The following SLC9A9 variants were observed in gnomAD, a reference collection of about 807,000 sequenced individuals.
SLC9A9 encodes sodium/hydrogen exchanger 9.
A neutral mutation model predicts 77.8 loss-of-function variants in SLC9A9; 62 were observed. The observed-to-expected ratio is 0.80, with a 90% CI of 0.65 to 0.98. The LOEUF is 0.98. SLC9A9 is among the 50% of genes least tolerant of loss of function. The pLI is 0.00. For missense variants in SLC9A9, 775 were observed against 774.9 expected (o/e 1.00, Z 0.00); for synonymous variants, 320 against 283.5 (o/e 1.13, Z -1.29).
intron 12 of SLC9A9, among the ~76,000 whole-genome samples, chr3:143,436,631 A>G (rs1237250673): frequency 6.6e-6 from 1 of 152,246 alleles, no homozygotes; most frequent in East Asian, 1.9e-4. Flanking sequence ...ATTTTGGTAC[A>G]ATACAGCAAA....
intron 12 of SLC9A9, among the ~76,000 whole-genome samples, chr3:143,421,071 C>A (rs1412572339): frequency 6.6e-6 from 1 of 152,052 alleles, no homozygotes. Flanking sequence ...AGGAATACAT[C>A]TAACCAAGGA....
chr3:143,650,368 C>A (rs1048029505), intron 6 of SLC9A9, among the ~76,000 whole-genome samples: 1 of 152,024 alleles, frequency 6.6e-6, no homozygotes, highest in Non-Finnish European at 1.5e-5. Flanking sequence ...AATAGATGTA[C>A]AAAGAGAATA....
At chr3:143,657,537 A>C (rs937777049) in intron 5 of SLC9A9, among the ~76,000 whole-genome samples, 1 of 152,202 alleles carries the variant, frequency 6.6e-6, no homozygotes, top group Admixed American at 6.5e-5. Flanking sequence ...CTATTTTCAC[A>C]ATAACATGAA....
intron 6 of SLC9A9, among the ~76,000 whole-genome samples, chr3:143,641,435 A>G (rs2038621064): frequency 9.0e-6 from 1 of 110,886 alleles, no homozygotes; most frequent in Non-Finnish European, 1.7e-5. Flanking sequence ...TCTGTTGCCT[A>G]GGCAACAGAG....
At chr3:143,847,906 A>G (rs776375266) in intron 1 of SLC9A9, 9 of 561,546 alleles carry the variant, frequency 1.6e-5, no homozygotes, top group Non-Finnish European at 2.9e-5. Context: ...GCATCTGTCA[A>G]CAGACTTGCA....
intron 4 of SLC9A9, among the ~76,000 whole-genome samples, chr3:143,741,190 T>C (rs1029275182): frequency 2.6e-5 from 4 of 152,154 alleles, no homozygotes; most frequent in Non-Finnish European, 4.4e-5. Context: ...TTTGGAGAAA[T>C]AGCTGTTCCT....
chr3:143,462,736 G>A (rs1186643515), intron 12 of SLC9A9, among the ~76,000 whole-genome samples: 1 of 152,180 alleles, frequency 6.6e-6, no homozygotes, highest in Non-Finnish European at 1.5e-5. Flanking sequence ...TCCTGTGTTT[G>A]TTTTTAACAG....
chr3:143,709,805 A>G (rs1291873023), intron 4 of SLC9A9, among the ~76,000 whole-genome samples: 1 of 152,166 alleles, frequency 6.6e-6, no homozygotes, highest in Non-Finnish European at 1.5e-5. Flanking sequence ...AACGAGTGGG[A>G]GAGGGGGAGT....
chr3:143,484,709 G>A (rs1268241484), intron 11 of SLC9A9, among the ~76,000 whole-genome samples: 1 of 152,164 alleles, frequency 6.6e-6, no homozygotes, highest in African/African-American at 2.4e-5. Flanking sequence ...TTTAACTTTT[G>A]TTCTCATGAC....
chr3:143,395,434 T>C (rs944075270), intron 12 of SLC9A9, among the ~76,000 whole-genome samples: 1 of 152,186 alleles, frequency 6.6e-6, no homozygotes. Flanking sequence ...TTACACCTTA[T>C]ACAAAAATTA....
rs563525868 is a variant in SLC9A9, at chr3:143,557,024, A to G, written c.1001-4574T>C. 4.0e-3 allele frequency among the ~76,000 whole-genome samples: 615 copies of G among 152,274 alleles called. 4 individuals carry two copies. The highest frequency in any genetic ancestry group is 0.014 in the African/African-American group (599 of 41,552). On this transcript the variant is annotated intron_variant, in intron 8 of 15. Coordinates refer to ENST00000316549, the MANE Select transcript of SLC9A9 (RefSeq NM_173653.4). Reference sequence around the variant, plus strand: ...GTTATATGGTTTGGCTGTGTCCCCCATCACATCTCATCTTGAATTGTGGTT... The same window carrying G: ...GTTATATGGTTTGGCTGTGTCCCCCGTCACATCTCATCTTGAATTGTGGTT...
intron 4 of SLC9A9, among the ~76,000 whole-genome samples, chr3:143,778,823 A>G (rs2007779969): frequency 6.6e-6 from 1 of 152,196 alleles, no homozygotes; most frequent in Non-Finnish European, 1.5e-5. Context: ...GTCTAAGAAA[A>G]GATTAGAGAC....
At chr3:143,816,625 T>C (rs915141678) in intron 2 of SLC9A9, among the ~76,000 whole-genome samples, 7 of 152,236 alleles carry the variant, frequency 4.6e-5, no homozygotes, top group Non-Finnish European at 8.8e-5. Flanking sequence ...TGTATATTCT[T>C]GTACTTAAGT....
intron 14 of SLC9A9, among the ~76,000 whole-genome samples, chr3:143,343,004 A>G (rs181566946): frequency 3.9e-5 from 6 of 152,358 alleles, no homozygotes; most frequent in African/African-American, 1.4e-4. Context: ...AATACAAGTG[A>G]TATCATTGCT....
chr3:143,657,902 T>A (rs1224952714), intron 5 of SLC9A9, among the ~76,000 whole-genome samples: 2 of 152,200 alleles, frequency 1.3e-5, no homozygotes, highest in Non-Finnish European at 2.9e-5. Flanking sequence ...AGTCTCGCTC[T>A]GTTGCCCAGG....
At chr3:143,316,870 T>C (rs1171983903) in intron 14 of SLC9A9, among the ~76,000 whole-genome samples, 2 of 152,176 alleles carry the variant, frequency 1.3e-5, no homozygotes, top group Non-Finnish European at 2.9e-5. Context: ...AAGGAGCTAT[T>C]ATTTCCATTT....
rs78611895 is a variant in SLC9A9 at position 143,838,325 on chromosome 3, C to G, written c.176-6104G>C. ...AAATCAAGGAGCCCAGCGTCAATGA[C>G]GCACATCAAGCAGTTTGCGATGGGC... is the stretch of plus-strand genomic sequence containing the variant. On this transcript the variant is annotated intron_variant, in intron 1 of 15. Coordinates refer to ENST00000316549, the MANE Select transcript of SLC9A9 (RefSeq NM_173653.4). Among the ~76,000 whole-genome samples, 21 of 152,266 alleles carry G rather than the reference C, an allele frequency of 1.4e-4. No individual in the cohort carries two copies. The East Asian group carries it at 4.1e-3, about 29-fold the overall frequency.
intron 12 of SLC9A9, among the ~76,000 whole-genome samples, chr3:143,412,511 C>T (rs1235282293): frequency 6.6e-6 from 1 of 151,316 alleles, no homozygotes; most frequent in East Asian, 1.9e-4. Flanking sequence ...GCCATCATGC[C>T]AAGCTCCTCA....
intron 1 of SLC9A9, among the ~76,000 whole-genome samples, chr3:143,844,753 CTTTCTTTCTTTCTT>C (rs2009792186): frequency 1.4e-5 from 2 of 147,122 alleles, no homozygotes; most frequent in African/African-American, 5.1e-5. Context: ...TTCTTTCTTT[CTTTCTTTCTTTCTT>C]TCTTTCTTTC....
Sources: allele counts gnomAD v4.1 joint callset (sites outside exome capture counted in the v4.1 genomes callset), GRCh38; gene constraint gnomAD v4.1.1; transcripts MANE v1.5; gene names NCBI Gene and HGNC (gene_info 2026-07-23, HGNC 2026-07-21).